LIMK1: variants seen among roughly 807,000 people sequenced by gnomAD.
The protein encoded by LIMK1 is LIM domain kinase 1, also known as LIM motif-containing protein kinase.
A neutral mutation model predicts 77.6 loss-of-function variants in LIMK1; 21 were observed. That is an observed-to-expected ratio of 0.27 (90% CI 0.19 to 0.39). The LOEUF (loss-of-function observed/expected upper bound fraction) is 0.39. Among genes scored for constraint, LIMK1 ranks in the 10% least tolerant of loss-of-function variants. LIMK1 has a pLI of 1.00. For missense variants in LIMK1, 696 were observed against 901.6 expected (o/e 0.77, Z 2.92); for synonymous variants, 358 against 370.0 (o/e 0.97, Z 0.37).
chr7:74,107,229 GGTGGGACCCCTC>G (rs1563920166), intron 8 of LIMK1, 36 bp downstream of exon 8: 1 of 1,557,206 alleles, frequency 6.4e-7, no homozygotes. Flanking sequence ...GGACAGTCTG[GGTGGGACCCCTC>G]CATCCTCCTT....
chr7:74,099,097 G>T lies in LIMK1; in HGVS notation c.467G>T (p.Gly156Val). Reference protein sequence around the residue: ...VIEQILPDSPGSHLPHTVTLV... With the variant: ...VIEQILPDSPVSHLPHTVTLV... ...GAGCAGATCCTGCCTGACTCCCCTGGCTCCCACCTGCCCCACACCGTCACC... is the reference window on the plus strand; with the variant it reads ...GAGCAGATCCTGCCTGACTCCCCTGTCTCCCACCTGCCCCACACCGTCACC... The change falls in exon 5 of 16, where the codon GGC becomes GTC. Residue 156 changes from glycine (G) to valine (V), a missense_variant. Gly to Val is a moderately radical substitution (Grantham distance 109). Transcript: ENST00000336180. 6.2e-7 allele frequency: 1 copy of T among 1,613,142 alleles called. No individual in the cohort carries two copies. Among genetic ancestry groups the T allele is most frequent in the Non-Finnish European group, 8.5e-7 (1 of 1,179,916 alleles).
At chr7:74,107,380 C>T (rs1241265899) in intron 8 of LIMK1, among the ~76,000 whole-genome samples, 187 bp downstream of exon 8, 1 of 152,130 alleles carries the variant, frequency 6.6e-6, no homozygotes, top group Non-Finnish European at 1.5e-5. Context: ...AGACTGAGAC[C>T]TTATGTGCGG....
intron 9 of LIMK1, 56 bp downstream of exon 9, chr7:74,108,013 G>C: frequency 7.6e-7 from 1 of 1,314,284 alleles, no homozygotes; most frequent in Non-Finnish European, 1.1e-6. Flanking sequence ...GCTCACCCCT[G>C]CCCCATCAAC....
Position 74,085,736 on chromosome 7 carries a change from C to T in LIMK1, c.56-12C>T, listed in dbSNP as rs1224454328. The T allele has an allele frequency of 6.4e-7, 1 of 1,550,736 alleles. No individual in the cohort carries two copies. Among genetic ancestry groups the T allele is most frequent in the Non-Finnish European group, 8.7e-7 (1 of 1,146,826 alleles). On this transcript the variant is annotated splice_polypyrimidine_tract_variant and intron_variant, in intron 1 of 15. Transcript: ENST00000336180. ...CCTGAGAATGCTTCCCAACTCCCTTCCCACCCTGCAGGAAGCGAGTTGCCC... is the reference window on the plus strand; with the variant it reads ...CCTGAGAATGCTTCCCAACTCCCTTTCCACCCTGCAGGAAGCGAGTTGCCC...
chr7:74,099,271 T>C, intron 5 of LIMK1, 33 bp downstream of exon 5: 1 of 1,592,426 alleles, frequency 6.3e-7, no homozygotes, highest in Non-Finnish European at 8.5e-7. Context: ...CTGCCGTCGG[T>C]GTGGCTATGG....
At chr7:74,092,810 TC>T (rs1554694969) in intron 2 of LIMK1, among the ~76,000 whole-genome samples, 1 of 152,156 alleles carries the variant, frequency 6.6e-6, no homozygotes, top group Non-Finnish European at 1.5e-5. Context: ...AGACAAACTG[TC>T]CATAGGAAGT....
intron 13 of LIMK1, among the ~76,000 whole-genome samples, chr7:74,116,208 A>T (rs1799806310): frequency 6.6e-6 from 1 of 152,172 alleles, no homozygotes; most frequent in Non-Finnish European, 1.5e-5. Context: ...AGCCTAGCCA[A>T]CATGGTGAAA....
intron 13 of LIMK1, among the ~76,000 whole-genome samples, chr7:74,119,431 G>A (rs143334376): frequency 3.2e-3 from 394 of 123,436 alleles, no homozygotes; most frequent in Middle Eastern, 6.6e-3. Flanking sequence ...CACCCGCCTC[G>A]GCCTCCCAAA....
chr7:74,099,990 C>T (rs940388037), intron 5 of LIMK1, among the ~76,000 whole-genome samples: 5 of 151,768 alleles, frequency 3.3e-5, no homozygotes, highest in Non-Finnish European at 5.9e-5. Flanking sequence ...ATTAGCCAGG[C>T]ATGGTGAAAT....
chr7:74,097,507 C>T (rs1799360362), intron 4 of LIMK1, among the ~76,000 whole-genome samples: 1 of 152,174 alleles, frequency 6.6e-6, no homozygotes, highest in Non-Finnish European at 1.5e-5. Flanking sequence ...GGAACCCCAT[C>T]TCTATTAAAA....
chr7:74,106,112 C>G lies in LIMK1; in HGVS notation c.750C>G (p.Leu250=). The G allele has an allele frequency of 6.2e-7, 1 of 1,614,144 alleles. No individual in the cohort carries two copies. Among genetic ancestry groups the G allele is most frequent in the Non-Finnish European group, 8.5e-7 (1 of 1,180,026 alleles). The part of the protein sequence containing the change: ...DLLIQETSRL[L]QLTLEHDPHD... ...TGATTCAGGAAACCAGCCGCCTGCTCCAGCTGACCCTCGAGCATGACCCTC... is the reference window on the plus strand; with the variant it reads ...TGATTCAGGAAACCAGCCGCCTGCTGCAGCTGACCCTCGAGCATGACCCTC... Residue 250 remains leucine (L), a synonymous_variant, in exon 7 of 16, where the codon CTC becomes CTG. Transcript: ENST00000336180.
Position 74,115,099 on chromosome 7 carries a change from T to C in LIMK1, c.1411-703T>C, listed in dbSNP as rs145737830. On this transcript the variant is annotated intron_variant, in intron 12 of 15. Coordinates refer to ENST00000336180, the MANE Select transcript of LIMK1 (RefSeq NM_002314.4). ...TAAATAAATAGTAAATCTGGTGGCA[T>C]GCCAAGCACAGGACCTGGGTCTATA... Among the ~76,000 whole-genome samples, 267 of 151,644 alleles carry C rather than the reference T, an allele frequency of 1.8e-3. 1 individual carries two copies. The highest frequency in any genetic ancestry group is 6.4e-3 in the African/African-American group (263 of 41,372).
intron 2 of LIMK1, among the ~76,000 whole-genome samples, chr7:74,095,864 G>C (rs1799327455): frequency 6.6e-6 from 1 of 152,112 alleles, no homozygotes; most frequent in Non-Finnish European, 1.5e-5. Flanking sequence ...TGCCCTTCAA[G>C]GCCCCACCAA....
intron 2 of LIMK1, among the ~76,000 whole-genome samples, chr7:74,089,885 G>C (rs371492176): frequency 6.6e-6 from 1 of 152,108 alleles, no homozygotes; most frequent in Non-Finnish European, 1.5e-5. Flanking sequence ...TGCGGTGAGG[G>C]GGGAGATGGA....
chr7:74,092,291 C>G (rs906587141), intron 2 of LIMK1, among the ~76,000 whole-genome samples: 1 of 152,136 alleles, frequency 6.6e-6, no homozygotes, highest in African/African-American at 2.4e-5. Context: ...AATGTCATAA[C>G]CTGAGCATCT....
At chr7:74,110,545 T>C (rs1230187133) in intron 10 of LIMK1, 1 of 152,216 alleles carries the variant, frequency 6.6e-6, no homozygotes, top group African/African-American at 2.4e-5. Flanking sequence ...TGTTTTTGTT[T>C]TTCCCGAGAT....
intron 2 of LIMK1, chr7:74,093,948 T>C (rs1462678118): frequency 6.6e-6 from 1 of 151,962 alleles, no homozygotes; most frequent in Admixed American, 6.5e-5. Flanking sequence ...AACTCCGGCG[T>C]GCTCTCCATC....
intron 2 of LIMK1, among the ~76,000 whole-genome samples, chr7:74,087,473 C>A (rs1224438715): frequency 4.6e-5 from 7 of 152,120 alleles, no homozygotes; most frequent in African/African-American, 1.7e-4. Flanking sequence ...CACCAAACAG[C>A]AAGGTTCAGG....
At chr7:74,093,476 G>A (rs1799277902) in intron 2 of LIMK1, among the ~76,000 whole-genome samples, 1 of 152,218 alleles carries the variant, frequency 6.6e-6, no homozygotes, top group Non-Finnish European at 1.5e-5. Flanking sequence ...GGTCCTTCCA[G>A]GACAGTCTCC....
Sources: gnomAD v4.1 joint callset for allele counts (sites outside exome capture counted in the v4.1 genomes callset) on GRCh38, gnomAD v4.1.1 for gene constraint, MANE v1.5 for transcripts, NCBI Gene and HGNC (gene_info 2026-07-23, HGNC 2026-07-21) for gene names.